Variants in ZCWPW2 observed in about 807,000 individuals in gnomAD.
ZCWPW2 encodes zinc finger CW-type and PWWP domain containing 2, also known as zinc finger CW-type PWWP domain protein 2.
ZCWPW2 carries 45 observed loss-of-function variants against 46.6 expected under a neutral mutation model. That is an observed-to-expected ratio of 0.96 (90% CI 0.76 to 1.24). ZCWPW2 has a LOEUF of 1.24. Among genes scored for constraint, ZCWPW2 ranks in the 50% most tolerant of loss-of-function variants. The pLI, the probability that ZCWPW2 is intolerant of heterozygous loss-of-function variation, is 0.00. For synonymous variants in ZCWPW2, 152 were observed against 137.1 expected (o/e 1.11, Z -0.76); for missense variants, 429 against 403.9 (o/e 1.06, Z -0.53).
intron 1 of ZCWPW2, among the ~76,000 whole-genome samples, chr3:28,359,011 A>T (rs1461404179): frequency 6.6e-6 from 1 of 152,150 alleles, no homozygotes; most frequent in East Asian, 1.9e-4. Context: ...ACTTCCCAGA[A>T]ATACTTAACT....
chr3:28,487,417 A>G (rs1699641031), intron 5 of ZCWPW2, among the ~76,000 whole-genome samples: 1 of 152,104 alleles, frequency 6.6e-6, no homozygotes, highest in Non-Finnish European at 1.5e-5. Flanking sequence ...CACATTCTTC[A>G]TTTATGTTGC....
chr3:28,451,772 T>C (rs1698234480), intron 4 of ZCWPW2, among the ~76,000 whole-genome samples: 1 of 152,204 alleles, frequency 6.6e-6, no homozygotes, highest in Admixed American at 6.5e-5. Flanking sequence ...TGGCAGCATT[T>C]TGCCATCAGA....
intron 1 of ZCWPW2, among the ~76,000 whole-genome samples, chr3:28,373,048 T>C (rs1705388312): frequency 6.6e-6 from 1 of 152,226 alleles, no homozygotes; most frequent in Non-Finnish European, 1.5e-5. Context: ...ATTTTCTTTA[T>C]CTATTCACCC....
intron 1 of ZCWPW2, among the ~76,000 whole-genome samples, chr3:28,374,170 T>C (rs1705428375): frequency 6.6e-6 from 1 of 152,184 alleles, no homozygotes. Flanking sequence ...TTCTTGTACA[T>C]GGTGAGTGAT....
chr3:28,404,260 A>G (rs1696067241), intron 2 of ZCWPW2, among the ~76,000 whole-genome samples: 1 of 152,216 alleles, frequency 6.6e-6, no homozygotes, highest in South Asian at 2.1e-4. Context: ...ACAAATGACC[A>G]ACAAACATAC....
At chr3:28,356,701 G>T (rs971547307) in intron 1 of ZCWPW2, among the ~76,000 whole-genome samples, 2 of 152,190 alleles carry the variant, frequency 1.3e-5, no homozygotes, top group Admixed American at 6.5e-5. Flanking sequence ...CATGTCCTTT[G>T]TAGGGACATG....
chr3:28,487,697 T>C (rs753179714), intron 5 of ZCWPW2, among the ~76,000 whole-genome samples: 2 of 152,164 alleles, frequency 1.3e-5, no homozygotes, highest in Non-Finnish European at 2.9e-5. Flanking sequence ...CATGATGTTC[T>C]GGGTAAAATA....
chr3:28,456,667 G>A (rs1698434314), intron 4 of ZCWPW2, among the ~76,000 whole-genome samples: 1 of 152,106 alleles, frequency 6.6e-6, no homozygotes, highest in Non-Finnish European at 1.5e-5. Context: ...TTTATTGAGA[G>A]TTTTTTACAT....
intron 4 of ZCWPW2, among the ~76,000 whole-genome samples, chr3:28,473,803 T>G (rs1699125411): frequency 6.6e-6 from 1 of 152,186 alleles, no homozygotes; most frequent in Non-Finnish European, 1.5e-5. Context: ...TTCTCACTTA[T>G]TTGTGGGAGC....
intron 5 of ZCWPW2, among the ~76,000 whole-genome samples, chr3:28,482,649 T>A (rs1323057541): frequency 6.6e-6 from 1 of 152,212 alleles, no homozygotes. Context: ...CTCCACATCC[T>A]CATCAATATT....
chr3:28,519,810 G>T (rs182612812), intron 8 of ZCWPW2, among the ~76,000 whole-genome samples: 1 of 152,242 alleles, frequency 6.6e-6, no homozygotes, highest in African/African-American at 2.4e-5. Context: ...GCCACATGTG[G>T]CCTCCTTTCT....
intron 6 of ZCWPW2, among the ~76,000 whole-genome samples, chr3:28,501,173 G>A (rs2125824513): frequency 6.6e-6 from 1 of 152,220 alleles, no homozygotes; most frequent in Non-Finnish European, 1.5e-5. Flanking sequence ...TGCTCTGCTG[G>A]GATTAGCAGA....
At chr3:28,491,993 T>C (rs1443539956) in intron 5 of ZCWPW2, 134 bp from the exon 6 acceptor site, 2 of 831,588 alleles carry the variant, frequency 2.4e-6, no homozygotes, top group East Asian at 3.0e-5. Flanking sequence ...GCATATTAAT[T>C]AAAGGGACAA....
At chr3:28,474,607 G>A (rs1441268470) in intron 4 of ZCWPW2, among the ~76,000 whole-genome samples, 3 of 149,988 alleles carry the variant, frequency 2.0e-5, no homozygotes, top group Middle Eastern at 3.2e-3. Context: ...GTGTGTGTGT[G>A]TGTGTGTGTG....
intron 3 of ZCWPW2, among the ~76,000 whole-genome samples, chr3:28,430,648 T>C (rs1697217351): frequency 6.6e-6 from 1 of 152,186 alleles, no homozygotes; most frequent in Non-Finnish European, 1.5e-5. Flanking sequence ...AATCTCATCT[T>C]GAATTGTAAT....
intron 2 of ZCWPW2, among the ~76,000 whole-genome samples, chr3:28,393,915 T>C (rs1695594052): frequency 6.6e-6 from 1 of 152,102 alleles, no homozygotes; most frequent in Admixed American, 6.5e-5. Context: ...TGCAACATAC[T>C]AGAAGTTTTA....
At position 28,514,110 on chromosome 3, in the gene ZCWPW2, G is replaced by T; in HGVS notation, c.704G>T (p.Arg235Ile). The T allele has an allele frequency of 6.7e-7, 1 of 1,484,736 alleles. No individual in the cohort carries two copies. The highest frequency in any genetic ancestry group is 9.2e-7 in the Non-Finnish European group (1 of 1,085,916). The allele number at this position is 1,484,736 out of a possible 1,614,324, so 92.0% of individuals were successfully genotyped here. The change falls in exon 7 of 10, where the codon AGA becomes ATA. Residue 235 changes from arginine (R) to isoleucine (I), a missense_variant. Transcript: ENST00000383768. ...ATTGAAAAGAAGAAGCCCAAATTTA[G>T]AAAAAGGAAAAGGTATGCTTTTTGA... ...NNIEKKKPKF[R>I]KRKRKAILKC...
At chr3:28,475,363 G>T (rs183914920) in intron 4 of ZCWPW2, among the ~76,000 whole-genome samples, 1 of 152,108 alleles carries the variant, frequency 6.6e-6, no homozygotes, top group East Asian at 1.9e-4. Context: ...TTACTGCCCT[G>T]GTCCACACTG....
chr3:28,397,396 G>A (rs910704217), intron 2 of ZCWPW2, among the ~76,000 whole-genome samples: 8 of 152,150 alleles, frequency 5.3e-5, no homozygotes, highest in Non-Finnish European at 7.3e-5. Context: ...TGGGCTGGGC[G>A]CGGTGGCTCA....
Sources: gnomAD v4.1 joint callset for allele counts (sites outside exome capture counted in the v4.1 genomes callset) on GRCh38, gnomAD v4.1.1 for gene constraint, MANE v1.5 for transcripts, NCBI Gene and HGNC (gene_info 2026-07-23, HGNC 2026-07-21) for gene names.